The following TMEM14A variants were observed in gnomAD, a reference collection of about 807,000 sequenced individuals.
The protein encoded by TMEM14A is transmembrane protein 14A.
Under a neutral mutation model 11.6 loss-of-function variants are expected in TMEM14A, and 8 were observed. The ratio of observed to expected loss-of-function variants is 0.69; its 90% CI spans 0.40 to 1.24. TMEM14A has a LOEUF of 1.24. TMEM14A is among the 50% of genes most tolerant of loss of function. The pLI is 0.01. For synonymous variants in TMEM14A, 34 were observed against 45.5 expected, an observed-to-expected ratio of 0.75 and a Z score of 1.02; for missense variants, 108 against 121.9, an observed-to-expected ratio of 0.89 and a Z score of 0.54.
In TMEM14A at chr6:52,684,214, G is replaced by A. The variant is rs538677938; in HGVS notation, c.260+49G>A. ...TACTTTCCTCTGCTGTTGTTTTGAA[G>A]TGCTGAATTTTTGGGAAACATCAAT... On this transcript the variant is annotated intron_variant, in intron 4 of 4. Transcript: ENST00000211314. The A allele has an allele frequency of 2.0e-6, 3 of 1,536,200 alleles. No homozygotes were observed. In the African/African-American group the frequency reaches 4.2e-5, roughly 21 times the overall value.
chr6:52,673,776 A>C (rs1281793781), intron 1 of TMEM14A, among the ~76,000 whole-genome samples: 1 of 152,256 alleles, frequency 6.6e-6, no homozygotes, highest in African/African-American at 2.4e-5. Context: ...TGCCTAAAGA[A>C]AATGCTAAAT....
At chr6:52,680,653 G>GTGTATATATATA (rs1336856273) in intron 2 of TMEM14A, among the ~76,000 whole-genome samples, 13,064 of 25,504 alleles carry the variant, frequency 0.51, 3,510 homozygotes, top group East Asian at 0.55. Flanking sequence ...ATATATATGT[G>GTGTATATATATA]TGTGTATATA....
intron 2 of TMEM14A, among the ~76,000 whole-genome samples, chr6:52,681,515 T>C (rs1373376030): frequency 3.9e-4 from 59 of 152,230 alleles, no homozygotes; most frequent in Non-Finnish European, 1.6e-4. Context: ...TCCAAGATCA[T>C]GTAATCAGTG....
chr6:52,684,015 G>A (rs1769445093), intron 3 of TMEM14A, 63 bp from the exon 4 acceptor site: 4 of 1,489,058 alleles, frequency 2.7e-6, no homozygotes, highest in South Asian at 1.2e-5. Flanking sequence ...GGTACCCGCT[G>A]TTTTCCCACA....
At chr6:52,679,188 C>A (rs1375394294) in intron 2 of TMEM14A, among the ~76,000 whole-genome samples, 4 of 152,170 alleles carry the variant, frequency 2.6e-5, no homozygotes, top group African/African-American at 7.2e-5. Context: ...GGAGAGAGGG[C>A]AGCCAGTGGC....
At chr6:52,684,651 A>T (rs370404958) in intron 4 of TMEM14A, among the ~76,000 whole-genome samples, 1 of 152,226 alleles carries the variant, frequency 6.6e-6, no homozygotes, top group East Asian at 1.9e-4. Context: ...TCTTAATTTG[A>T]TCCAGTAATT....
intron 1 of TMEM14A, among the ~76,000 whole-genome samples, chr6:52,672,684 T>C (rs756617517): frequency 7.2e-5 from 11 of 152,160 alleles, no homozygotes; most frequent in Non-Finnish European, 1.5e-4. Context: ...TGACTTTCCC[T>C]TCCCGCCTCA....
At chr6:52,679,317 A>T (rs1769322393) in intron 2 of TMEM14A, among the ~76,000 whole-genome samples, 1 of 152,154 alleles carries the variant, frequency 6.6e-6, no homozygotes. Context: ...TAGGCCAGGT[A>T]ACATCGAGTG....
rs1561874928 is a variant in TMEM14A, at chr6:52,680,593, T to TATATATATATATATA, written c.71-1220_71-1219insATATATATATATATA. Among the ~76,000 whole-genome samples, 319 of 96,460 alleles carry TATATATATATATATA rather than the reference T, an allele frequency of 3.3e-3. 5 individuals are homozygous for TATATATATATATATA. The highest frequency in any genetic ancestry group is 0.018 in the East Asian group (51 of 2,870). 63.3% of individuals were successfully genotyped at this position (96,460 alleles called of 152,430 possible). ...TCTAAGCCACTATATATTTATATAT[T>TATATATATATATATA]TATATATATATATATATATGTATAT... is the stretch of plus-strand genomic sequence containing the variant. On this transcript the variant is annotated intron_variant, in intron 2 of 4. Coordinates refer to ENST00000211314, the MANE Select transcript of TMEM14A (RefSeq NM_014051.4).
chr6:52,682,394 A>G (rs940044180), intron 3 of TMEM14A, among the ~76,000 whole-genome samples: 3 of 152,192 alleles, frequency 2.0e-5, no homozygotes, highest in Non-Finnish European at 2.9e-5. Flanking sequence ...CCACAGAAAA[A>G]ATGGAAACCT....
chr6:52,675,699 T>TATCTTGCC (rs1561873509), intron 1 of TMEM14A, among the ~76,000 whole-genome samples: 1 of 152,120 alleles, frequency 6.6e-6, no homozygotes, highest in Non-Finnish European at 1.5e-5. Context: ...ATGTCTCTGC[T>TATCTTGCC]ACCACAGAAG....
chr6:52,672,643 AC>A (rs995860927), intron 1 of TMEM14A, among the ~76,000 whole-genome samples: 3 of 152,064 alleles, frequency 2.0e-5, no homozygotes, highest in Non-Finnish European at 4.4e-5. Flanking sequence ...TAAGCCAGAT[AC>A]CTAGGGGTGA....
chr6:52,677,606 A>G (rs546106857), intron 2 of TMEM14A, among the ~76,000 whole-genome samples: 2 of 151,108 alleles, frequency 1.3e-5, no homozygotes, highest in African/African-American at 4.8e-5. Flanking sequence ...TTTGTCCAAA[A>G]GAGGGGGGAA....
Position 52,686,527 on chromosome 6 carries a change from G to C in TMEM14A, c.*478G>C, listed in dbSNP as rs1769497076. On this transcript the variant is annotated 3_prime_UTR_variant, in exon 5 of 5. Transcript: ENST00000211314. ...TTTTCTTTAAAAAATTTTATTCTTAGCACACTGTTATGTCCTAACTGAATG... is the reference window on the plus strand; with the variant it reads ...TTTTCTTTAAAAAATTTTATTCTTACCACACTGTTATGTCCTAACTGAATG... The C allele has an allele frequency of 2.6e-6, 1 of 380,564 alleles. No individual in the cohort carries two copies. The highest frequency in any genetic ancestry group is 2.1e-5 in the African/African-American group (1 of 48,174). 23.6% of individuals were successfully genotyped at this position (380,564 alleles called of 1,614,324 possible).
intron 4 of TMEM14A, among the ~76,000 whole-genome samples, chr6:52,685,477 T>C (rs1320017851): frequency 6.6e-6 from 1 of 151,762 alleles, no homozygotes; most frequent in African/African-American, 2.4e-5. Context: ...CCCAGCTACT[T>C]GGGAGGCTGA....
chr6:52,681,342 A>G (rs1769388580), intron 2 of TMEM14A, among the ~76,000 whole-genome samples: 1 of 152,156 alleles, frequency 6.6e-6, no homozygotes, highest in African/African-American at 2.4e-5. Flanking sequence ...TTAATTATTC[A>G]GGATGGAACC....
At chr6:52,680,682 T>TACATATATGTATATATATATATATATAC (rs1769365189) in intron 2 of TMEM14A, among the ~76,000 whole-genome samples, 11 of 50,754 alleles carry the variant, frequency 2.2e-4, no homozygotes, top group African/African-American at 7.2e-4. Flanking sequence ...TATATATATA[T>TACATATATGTATATATATATATATATAC]ACATATATGT....
intron 1 of TMEM14A, among the ~76,000 whole-genome samples, chr6:52,675,170 A>G (rs1039611025): frequency 6.6e-6 from 1 of 152,042 alleles, no homozygotes; most frequent in Non-Finnish European, 1.5e-5. Context: ...GGCGTGAGCT[A>G]CCTCGCCTGG....
intron 2 of TMEM14A, among the ~76,000 whole-genome samples, chr6:52,678,329 T>TGTGTGTGTG (rs1769301533): frequency 3.3e-5 from 1 of 30,086 alleles, no homozygotes; most frequent in African/African-American, 8.8e-5. Flanking sequence ...ATGTGTGTGT[T>TGTGTGTGTG]TGTGTGTGTG....
Sources: gnomAD v4.1 joint callset for allele counts (sites outside exome capture counted in the v4.1 genomes callset) on GRCh38, gnomAD v4.1.1 for gene constraint, MANE v1.5 for transcripts, NCBI Gene and HGNC (gene_info 2026-07-23, HGNC 2026-07-21) for gene names.